The following DDX11 variants were observed in gnomAD, a reference collection of about 807,000 sequenced individuals.
DDX11 encodes DEAD/H-box helicase 11.
A neutral mutation model predicts 125.2 loss-of-function variants in DDX11; 72 were observed. The observed-to-expected ratio is 0.58, with a 90% CI of 0.48 to 0.70. DDX11 has a LOEUF of 0.70. Ranked by LOEUF, DDX11 falls within the 30% of genes least tolerant of loss-of-function variation. The pLI, the probability that DDX11 is intolerant of heterozygous loss-of-function variation, is 0.00. For synonymous variants in DDX11, 347 were observed against 452.6 expected, an observed-to-expected ratio of 0.77 and a Z score of 2.96; for missense variants, 883 against 1,165.0, an observed-to-expected ratio of 0.76 and a Z score of 3.52.
chr12:31,083,726 T>C, intron 2 of DDX11, 87 bp from the exon 3 acceptor site: 1 of 1,502,532 alleles, frequency 6.7e-7, no homozygotes, highest in Non-Finnish European at 9.2e-7. Flanking sequence ...AGCCAGACCT[T>C]CTTTCAAGCT....
rs764433669 is a variant in DDX11, at chr12:31,096,770, G to C, written c.1630+25G>C. On this transcript the variant is annotated intron_variant, in intron 16 of 26. Transcript: ENST00000542838. ...GGTGAGGCAGGAGGGTGGGCAGGCAGAGCCGGCTGCACGCATGGGCAAGGA... is the reference window on the plus strand; with the variant it reads ...GGTGAGGCAGGAGGGTGGGCAGGCACAGCCGGCTGCACGCATGGGCAAGGA... The C allele has an allele frequency of 2.5e-6, 4 of 1,614,222 alleles. No homozygotes were observed. In the South Asian group the frequency reaches 4.4e-5, roughly 18 times the overall value.
chr12:31,090,523 A>G (rs1460210683), intron 9 of DDX11, among the ~76,000 whole-genome samples: 1 of 151,914 alleles, frequency 6.6e-6, no homozygotes, highest in Non-Finnish European at 1.5e-5. Context: ...CAGTACTCTT[A>G]ACTGGAAAGC....
intron 11 of DDX11, 73 bp from the exon 12 acceptor site, chr12:31,093,172 G>C: frequency 6.8e-7 from 1 of 1,479,558 alleles, no homozygotes; most frequent in South Asian, 1.2e-5. Context: ...CGGGCAGCAA[G>C]GCTTCCACTG....
rs766443735 is a variant in DDX11, at chr12:31,091,837, C to T, written c.1208C>T (p.Thr403Met). The T allele has an allele frequency of 2.1e-5, 34 of 1,613,940 alleles. No individual in the cohort carries two copies. The Admixed American group carries it at 2.2e-4, about 10-fold the overall frequency. Residue 403 changes from threonine (T) to methionine (M), a missense_variant, in exon 10 of 27, where the codon ACG (threonine) becomes ATG (methionine). Thr to Met is a moderately conservative substitution (Grantham distance 81). Around this residue, in one of 5 missense-constraint regions of DDX11, gnomAD observed 72 missense variants for 159.7 expected, o/e 0.45. Transcript: ENST00000542838. ...GCGCACAACCTGATCGACACCATCA[C>T]GGGCATGCACAGCGTGGAGGTCAGC... ...DEAHNLIDTI[T>M]GMHSVEVSGS...
At chr12:31,095,377 C>T (rs1378035226) in intron 14 of DDX11, among the ~76,000 whole-genome samples, 1 of 152,174 alleles carries the variant, frequency 6.6e-6, no homozygotes, top group Non-Finnish European at 1.5e-5. Flanking sequence ...ATCCTTTTGC[C>T]CCAGCAAGGA....
At chr12:31,083,293 C>T (rs1942347667) in intron 2 of DDX11, among the ~76,000 whole-genome samples, 1 of 148,260 alleles carries the variant, frequency 6.7e-6, no homozygotes, top group African/African-American at 2.5e-5. Flanking sequence ...GTGGTGTCTT[C>T]CAGAGTGATT....
At position 31,103,609 on chromosome 12, in the gene DDX11, A is replaced by G. The variant is rs1214201182; in HGVS notation, c.2569A>G (p.Ser857Gly). ...RAIRHQKDFA[S>G]VVLLDQRYAR... ...CATCAGGCACCAGAAGGATTTTGCCAGCGTAGTGCTCCTGGACCAGCGATA... is the reference window on the plus strand; with the variant it reads ...CATCAGGCACCAGAAGGATTTTGCCGGCGTAGTGCTCCTGGACCAGCGATA... Residue 857 changes from serine (S) to glycine (G), a missense_variant, in exon 26 of 27, where the codon AGC (serine) becomes GGC (glycine). Ser to Gly is a moderately conservative substitution (Grantham distance 56, BLOSUM62 0). Around this residue, in one of 5 missense-constraint regions of DDX11, gnomAD observed 285 missense variants for 346.0 expected, o/e 0.82. Coordinates refer to ENST00000542838, the MANE Select transcript of DDX11 (RefSeq NM_030653.4). The G allele has an allele frequency of 6.2e-7, 1 of 1,613,910 alleles. No individual in the cohort carries two copies. The highest frequency in any genetic ancestry group is 8.5e-7 in the Non-Finnish European group (1 of 1,179,944).
chr12:31,094,437 C>T, intron 12 of DDX11, 153 bp from the exon 13 acceptor site: 1 of 1,406,822 alleles, frequency 7.1e-7, no homozygotes, highest in Non-Finnish European at 9.8e-7. Context: ...CTCAGTGGGT[C>T]CGTTGCATGC....
At chr12:31,085,379 T>G (rs958016330) in intron 5 of DDX11, among the ~76,000 whole-genome samples, 5 of 152,216 alleles carry the variant, frequency 3.3e-5, no homozygotes, top group African/African-American at 1.2e-4. Context: ...TGTCTGCGCC[T>G]TATACACAAG....
intron 6 of DDX11, 25 bp downstream of exon 6, chr12:31,088,008 G>A (rs1359801999): frequency 1.0e-5 from 16 of 1,607,272 alleles, no homozygotes; most frequent in Non-Finnish European, 1.3e-5. Context: ...CTCAGCTGGT[G>A]CTGTGCTGGG....
chr12:31,097,417 C>T (rs1429266442), intron 17 of DDX11, among the ~76,000 whole-genome samples: 3 of 139,344 alleles, frequency 2.2e-5, no homozygotes, highest in South Asian at 2.4e-4. Context: ...CGGTGGCTCA[C>T]GCCTATAATC....
intron 6 of DDX11, among the ~76,000 whole-genome samples, chr12:31,088,210 G>A (rs1943508596): frequency 6.6e-6 from 1 of 151,888 alleles, no homozygotes; most frequent in Admixed American, 6.6e-5. Flanking sequence ...AGGGCCTGGG[G>A]AGTCCTCTCC....
chr12:31,085,654 C>G (rs1472832227), intron 5 of DDX11, among the ~76,000 whole-genome samples: 1 of 152,204 alleles, frequency 6.6e-6, no homozygotes, highest in Non-Finnish European at 1.5e-5. Context: ...GCAGGCCACC[C>G]AGGCCATTTC....
intron 2 of DDX11, among the ~76,000 whole-genome samples, chr12:31,080,221 C>A (rs1434100921): frequency 6.7e-6 from 1 of 149,408 alleles, no homozygotes; most frequent in Non-Finnish European, 1.5e-5. Context: ...AGAGCAGGTG[C>A]CTCTGAGCCC....
chr12:31,099,080 C>CTTTTTTTTTTTTTTTTTTTTTTTT lies in DDX11; in HGVS notation c.1875+1086_1875+1087insTTTTTTTTTTTTTTTTTTTTTTTT, dbSNP rs1467965765. On this transcript the variant is annotated intron_variant, in intron 18 of 26. Coordinates refer to ENST00000542838, the MANE Select transcript of DDX11 (RefSeq NM_030653.4). The stretch of plus-strand genomic sequence containing the variant: ...AATCCATACTGGTATTTCTTTCTTT[C>CTTTTTTTTTTTTTTTTTTTTTTTT]TTTCTTTTTTTTTTTTTTTTTTTTT... Among the ~76,000 whole-genome samples, 38 of 81,302 alleles carry CTTTTTTTTTTTTTTTTTTTTTTTT rather than the reference C, an allele frequency of 4.7e-4. 5 individuals carry two copies. Among genetic ancestry groups the CTTTTTTTTTTTTTTTTTTTTTTTT allele is most frequent in the African/African-American group, 1.1e-3 (17 of 15,860 alleles). The allele number at this position is 81,302 out of a possible 152,430, so 53.3% of individuals were successfully genotyped here.
At chr12:31,082,663 G>T (rs1048275542) in intron 2 of DDX11, among the ~76,000 whole-genome samples, 3 of 151,882 alleles carry the variant, frequency 2.0e-5, no homozygotes, top group African/African-American at 7.3e-5. Flanking sequence ...CACCAGGGCC[G>T]CCTCCTTGTG....
chr12:31,085,979 G>A (rs1943054743), intron 5 of DDX11: 1 of 453,478 alleles, frequency 2.2e-6, no homozygotes, highest in African/African-American at 2.0e-5. Flanking sequence ...GACCCTCCAT[G>A]GATATTCCTG....
At position 31,088,023 on chromosome 12, in the gene DDX11, T is replaced by C. The variant is rs757588851; in HGVS notation, c.684+40T>C. ...CTCAGCTGGTGCTGTGCTGGGGGTA[T>C]AGGCTGGGCTGTGCACCCCTGGGGA... On this transcript the variant is annotated intron_variant, in intron 6 of 26. Coordinates refer to ENST00000542838, the MANE Select transcript of DDX11 (RefSeq NM_030653.4). 6 of 1,607,238 alleles carry C rather than the reference T, an allele frequency of 3.7e-6. No individual in the cohort carries two copies. The African/African-American group carries it at 4.0e-5, about 11-fold the overall frequency.
At chr12:31,097,541 G>A (rs1945501339) in intron 17 of DDX11, among the ~76,000 whole-genome samples, 8 of 149,320 alleles carry the variant, frequency 5.4e-5, no homozygotes. Context: ...TTAGCAGGGT[G>A]TGGTGGTGGG....
Sources: gnomAD v4.1 joint callset for allele counts (sites outside exome capture counted in the v4.1 genomes callset) on GRCh38, gnomAD v4.1.1 for gene constraint, gnomAD v4.1.1 regional missense constraint, MANE v1.5 for transcripts, NCBI Gene and HGNC (gene_info 2026-07-23, HGNC 2026-07-21) for gene names.